The following TMPRSS15 variants were observed in gnomAD, a reference collection of about 807,000 sequenced individuals.
TMPRSS15 encodes transmembrane serine protease 15.
In TMPRSS15, 128 loss-of-function variants were observed where a neutral mutation model predicts 125.3. The observed-to-expected ratio is 1.02, with a 90% CI of 0.89 to 1.18. The LOEUF is 1.18. Among genes scored for constraint, TMPRSS15 ranks in the 50% most tolerant of loss-of-function variants. TMPRSS15 has a pLI of 0.00. For missense variants in TMPRSS15, 1,283 were observed against 1,212.7 expected, an observed-to-expected ratio of 1.06 and a Z score of -0.86; for synonymous variants, 446 against 423.2, an observed-to-expected ratio of 1.05 and a Z score of -0.66.
chr21:18,311,807 A>G (rs2075103693), intron 18 of TMPRSS15, among the ~76,000 whole-genome samples: 1 of 152,180 alleles, frequency 6.6e-6, no homozygotes, highest in South Asian at 2.1e-4. Flanking sequence ...TTGCAGCACT[A>G]TTCACAATAG....
rs2075510398 is a variant in TMPRSS15 at position 18,346,513 on chromosome 21, A to G, written c.1172-2453T>C. On this transcript the variant is annotated intron_variant, in intron 10 of 24. Transcript: ENST00000284885. ...ATTACATCTCTCCTAAGTCTTCTCA[A>G]GATTATCCATCACTTTTTTTTCCTT... 4.6e-5 allele frequency among the ~76,000 whole-genome samples: 7 copies of G among 152,362 alleles called. No individual in the cohort carries two copies. In the South Asian group the frequency reaches 1.4e-3, roughly 32 times the overall value.
intron 1 of TMPRSS15, among the ~76,000 whole-genome samples, chr21:18,470,607 A>G (rs57251331): frequency 0.028 from 4,333 of 152,190 alleles, 218 homozygotes; most frequent in African/African-American, 0.099. Flanking sequence ...GTCTGCCCAG[A>G]GATTTCATGT....
chr21:18,347,172 C>G (rs2075517700), intron 10 of TMPRSS15, among the ~76,000 whole-genome samples: 1 of 151,690 alleles, frequency 6.6e-6, no homozygotes, highest in African/African-American at 2.4e-5. Context: ...AAAGTAACCA[C>G]TTTTTCTTTT....
chr21:18,316,512 G>A (rs544957131), intron 16 of TMPRSS15, among the ~76,000 whole-genome samples: 16 of 152,270 alleles, frequency 1.1e-4, no homozygotes, highest in African/African-American at 3.9e-4. Flanking sequence ...CAAAGAAATG[G>A]AAACTTTGCC....
chr21:18,274,220 C>A (rs142194434), intron 24 of TMPRSS15, among the ~76,000 whole-genome samples: 1 of 152,106 alleles, frequency 6.6e-6, no homozygotes, highest in Non-Finnish European at 1.5e-5. Flanking sequence ...TTGCTCGATG[C>A]CTTACATGGG....
intron 4 of TMPRSS15, among the ~76,000 whole-genome samples, chr21:18,380,169 A>ACT (rs893509775): frequency 4.7e-4 from 58 of 123,056 alleles, no homozygotes; most frequent in African/African-American, 2.2e-3. Flanking sequence ...TGGAGATGTC[A>ACT]CACACACACA....
intron 5 of TMPRSS15, 88 bp from the exon 6 acceptor site, chr21:18,372,412 T>A: frequency 8.4e-7 from 1 of 1,190,248 alleles, no homozygotes; most frequent in Non-Finnish European, 1.2e-6. Context: ...ACTGGGGTTC[T>A]TACTTATAAG....
intron 16 of TMPRSS15, among the ~76,000 whole-genome samples, 154 bp downstream of exon 16, chr21:18,326,278 T>A (rs1039172288): frequency 6.6e-6 from 1 of 152,076 alleles, no homozygotes; most frequent in Non-Finnish European, 1.5e-5. Context: ...GTACTACAGA[T>A]GTAAAGGAGG....
intron 10 of TMPRSS15, among the ~76,000 whole-genome samples, chr21:18,352,220 G>A (rs989625154): frequency 1.3e-5 from 2 of 151,856 alleles, no homozygotes; most frequent in African/African-American, 4.8e-5. Flanking sequence ...ATTTCACCAC[G>A]ATTTCTGGTT....
intron 1 of TMPRSS15, among the ~76,000 whole-genome samples, chr21:18,426,305 C>A (rs1487299372): frequency 6.6e-6 from 1 of 152,146 alleles, no homozygotes; most frequent in South Asian, 2.1e-4. Flanking sequence ...TATCTATTGT[C>A]ACTTAGCAAA....
intron 1 of TMPRSS15, among the ~76,000 whole-genome samples, chr21:18,430,771 A>G (rs923618071): frequency 6.6e-6 from 1 of 152,188 alleles, no homozygotes; most frequent in East Asian, 1.9e-4. Flanking sequence ...GGGCCCACCA[A>G]TGTAGCTCTG....
intron 18 of TMPRSS15, among the ~76,000 whole-genome samples, chr21:18,305,845 A>G (rs1246748734): frequency 6.6e-6 from 1 of 152,200 alleles, no homozygotes; most frequent in African/African-American, 2.4e-5. Context: ...TAATTAATGC[A>G]TTTCTAATTT....
At chr21:18,362,138 A>G (rs913406773) in intron 7 of TMPRSS15, among the ~76,000 whole-genome samples, 1 of 152,142 alleles carries the variant, frequency 6.6e-6, no homozygotes, top group African/African-American at 2.4e-5. Context: ...AGATCATCCC[A>G]GAGTAGACAG....
rs192022515 is a variant in TMPRSS15, at chr21:18,270,030, C to T, written c.2999G>A (p.Arg1000His). 363 of 1,613,888 alleles carry T rather than the reference C, an allele frequency of 2.2e-4. 1 individual carries two copies. The highest frequency in any genetic ancestry group is 1.0e-3 in the Admixed American group (60 of 60,000). ...TGAGACCCTGGCATACACTCCGGGG[C>T]GATTAGGCAGGGCACACTTGTATCC... ...SFGYKCALPN[R>H]PGVYARVSRF... The change falls in exon 25 of 25, where the codon CGC becomes CAC. Residue 1000 changes from arginine to histidine, a missense_variant. Arg to His is a conservative substitution (Grantham distance 29). Transcript: ENST00000284885.
intron 3 of TMPRSS15, among the ~76,000 whole-genome samples, chr21:18,391,708 T>C (rs1319329883): frequency 6.6e-6 from 1 of 152,242 alleles, no homozygotes; most frequent in Admixed American, 6.5e-5. Context: ...TTCTCCAGAG[T>C]CAGCCCAGGG....
chr21:18,399,128 T>C (rs1481072607), intron 1 of TMPRSS15, among the ~76,000 whole-genome samples: 2 of 152,118 alleles, frequency 1.3e-5, no homozygotes, highest in South Asian at 2.1e-4. Flanking sequence ...TTAGTAAATA[T>C]AATAATAATG....
intron 1 of TMPRSS15, among the ~76,000 whole-genome samples, chr21:18,423,167 C>T (rs2076195749): frequency 6.6e-6 from 1 of 152,104 alleles, no homozygotes; most frequent in South Asian, 2.1e-4. Flanking sequence ...TGTGGCGTCT[C>T]CTCTGAGGTT....
chr21:18,474,737 T>A lies in TMPRSS15; in HGVS notation c.10+11062A>T, dbSNP rs559614860. ...GAACAAACAAAAGATGTTACTGGGT[T>A]CTAGTACTCTTAAGATCTATGTTTC... On this transcript the variant is annotated intron_variant, in intron 1 of 7. Coordinates refer to the TMPRSS15 transcript ENST00000422787. 4.6e-5 allele frequency among the ~76,000 whole-genome samples: 7 copies of A among 152,326 alleles called. No homozygotes were observed. The East Asian group carries it at 1.4e-3, about 29-fold the overall frequency.
At chr21:18,412,260 T>A (rs2076167821) in intron 1 of TMPRSS15, among the ~76,000 whole-genome samples, 1 of 152,182 alleles carries the variant, frequency 6.6e-6, no homozygotes, top group African/African-American at 2.4e-5. Flanking sequence ...TTGTCAGATT[T>A]TCTCAATGCT....
Sources: allele counts gnomAD v4.1 joint callset (sites outside exome capture counted in the v4.1 genomes callset), GRCh38; gene constraint gnomAD v4.1.1; transcripts MANE v1.5; gene names NCBI Gene and HGNC (gene_info 2026-07-23, HGNC 2026-07-21).